Variants in SPTSSB observed in about 807,000 individuals in gnomAD.
SPTSSB encodes serine palmitoyltransferase small subunit B, also known as androgen down regulated in mouse prostate.
Under a neutral mutation model 7.7 loss-of-function variants are expected in SPTSSB, and 6 were observed. The ratio of observed to expected loss-of-function variants is 0.78; its 90% CI spans 0.43 to 1.54. The LOEUF is 1.54. Ranked by LOEUF, SPTSSB falls within the 40% of genes most tolerant of loss-of-function variation. The pLI is 0.01. For synonymous variants in SPTSSB, 28 were observed against 29.7 expected, an observed-to-expected ratio of 0.94 and a Z score of 0.19; for missense variants, 91 against 93.0, an observed-to-expected ratio of 0.98 and a Z score of 0.09.
rs916290247 is a variant in SPTSSB at position 161,345,024 on chromosome 3, T to C, written c.*1069A>G. On this transcript the variant is annotated 3_prime_UTR_variant, in exon 3 of 3. Coordinates refer to ENST00000620149, the MANE Select transcript of SPTSSB (RefSeq NM_001040100.2). ...TTTTTACCCTCTAGAATTACATACA[T>C]TAATATTTATTGGGAGGAAAGCAAA... The C allele has an allele frequency of 6.6e-6, 1 of 152,646 alleles. No homozygotes were observed. The highest frequency in any genetic ancestry group is 1.5e-5 in the Non-Finnish European group (1 of 68,048). The allele number at this position is 152,646 out of a possible 1,614,324, so 9.5% of individuals were successfully genotyped here.
rs1036773072 is a variant in SPTSSB, at chr3:161,345,977, A to G, written c.*116T>C. The G allele has an allele frequency of 3.3e-5, 21 of 636,472 alleles. No individual in the cohort carries two copies. Among genetic ancestry groups the G allele is most frequent in the Middle Eastern group, 3.6e-4 (1 of 2,814 alleles). 39.4% of individuals were successfully genotyped at this position (636,472 alleles called of 1,614,324 possible). ...AGAAAGGCAGAATATAAGAGTGCAT[A>G]GAGAAGAGAGTGCTTTTCAGGTCAG... On this transcript the variant is annotated 3_prime_UTR_variant, in exon 3 of 3. Coordinates refer to ENST00000620149, the MANE Select transcript of SPTSSB (RefSeq NM_001040100.2).
At chr3:161,363,906 A>G (rs1258125661) in intron 1 of SPTSSB, among the ~76,000 whole-genome samples, 2 of 152,090 alleles carry the variant, frequency 1.3e-5, no homozygotes, top group Non-Finnish European at 2.9e-5. Context: ...ACTTTACAAA[A>G]ACTTCTACCC....
chr3:161,368,677 C>T (rs900740284), intron 1 of SPTSSB, among the ~76,000 whole-genome samples: 7 of 152,150 alleles, frequency 4.6e-5, no homozygotes, highest in East Asian at 3.9e-4. Flanking sequence ...CCGCCCGCCT[C>T]GGCCTCCCAA....
intron 2 of SPTSSB, among the ~76,000 whole-genome samples, chr3:161,346,573 CAAT>C (rs1376169701): frequency 4.6e-5 from 7 of 151,950 alleles, no homozygotes; most frequent in Non-Finnish European, 1.0e-4. Flanking sequence ...AAATTGGCAG[CAAT>C]AATACTATTA....
At chr3:161,361,693 C>G (rs1051428475) in intron 1 of SPTSSB, among the ~76,000 whole-genome samples, 2 of 152,114 alleles carry the variant, frequency 1.3e-5, no homozygotes, top group African/African-American at 4.8e-5. Flanking sequence ...TAGTAACTTT[C>G]GTCACAATTA....
At chr3:161,353,426 A>AAAAT (rs759591508) in intron 2 of SPTSSB, among the ~76,000 whole-genome samples, 2 of 152,346 alleles carry the variant, frequency 1.3e-5, no homozygotes, top group Middle Eastern at 6.8e-3. Context: ...CTAGTACCTT[A>AAAAT]AAATAAATAA....
chr3:161,349,226 C>A (rs1427684355), intron 2 of SPTSSB, among the ~76,000 whole-genome samples: 3 of 151,986 alleles, frequency 2.0e-5, no homozygotes, highest in Non-Finnish European at 4.4e-5. Flanking sequence ...AACAAACATG[C>A]AGTGATCGAT....
At chr3:161,356,478 G>A (rs982339114) in intron 2 of SPTSSB, among the ~76,000 whole-genome samples, 4 of 152,154 alleles carry the variant, frequency 2.6e-5, no homozygotes, top group Non-Finnish European at 1.5e-5. Context: ...TGTTCTCAGA[G>A]TTCTGCCAAA....
At chr3:161,357,460 T>C (rs1714817620) in intron 2 of SPTSSB, among the ~76,000 whole-genome samples, 1 of 152,136 alleles carries the variant, frequency 6.6e-6, no homozygotes. Context: ...TGAGATAAAA[T>C]GATTTACTCC....
rs552952115 is a variant in SPTSSB, at chr3:161,346,448, A to G, written c.-32-93T>C. On this transcript the variant is annotated intron_variant, in intron 2 of 2. Transcript: ENST00000620149. The stretch of plus-strand genomic sequence containing the variant: ...CTCAGCATGTTAAAATCTTTCAAAG[A>G]TTTGTTAAAGATCATTGAATATATT... 4.0e-4 allele frequency: 251 copies of G among 620,880 alleles called. 2 individuals are homozygous for G. In the South Asian group the frequency reaches 5.4e-3, roughly 13 times the overall value. 38.5% of individuals were successfully genotyped at this position (620,880 alleles called of 1,614,324 possible).
chr3:161,353,279 A>G (rs550481652), intron 2 of SPTSSB, among the ~76,000 whole-genome samples: 1 of 152,326 alleles, frequency 6.6e-6, no homozygotes, highest in Admixed American at 6.5e-5. Flanking sequence ...GTAAAACTTT[A>G]AGCCACTTGC....
intron 2 of SPTSSB, among the ~76,000 whole-genome samples, chr3:161,356,987 G>GA (rs1013049572): frequency 2.8e-4 from 42 of 149,690 alleles, no homozygotes; most frequent in Middle Eastern, 3.4e-3. Context: ...GTCTCAAAAA[G>GA]AAAAAAAAAT....
intron 1 of SPTSSB, among the ~76,000 whole-genome samples, chr3:161,361,339 C>T (rs933347887): frequency 1.3e-5 from 2 of 152,052 alleles, no homozygotes; most frequent in Admixed American, 6.6e-5. Context: ...TAGACAACAC[C>T]TTCTAAGTGT....
intron 2 of SPTSSB, among the ~76,000 whole-genome samples, chr3:161,349,292 A>C (rs1279026853): frequency 6.6e-6 from 1 of 152,184 alleles, no homozygotes; most frequent in Non-Finnish European, 1.5e-5. Context: ...GCTAAGAAGA[A>C]GGCTAGAAAA....
chr3:161,363,515 T>G (rs961204040), intron 1 of SPTSSB, among the ~76,000 whole-genome samples: 1 of 152,016 alleles, frequency 6.6e-6, no homozygotes, highest in Non-Finnish European at 1.5e-5. Flanking sequence ...TTTTAACTAC[T>G]GTTGAAACCA....
intron 2 of SPTSSB, among the ~76,000 whole-genome samples, chr3:161,357,561 C>T (rs13319558): frequency 0.054 from 8,159 of 152,214 alleles, 582 homozygotes; most frequent in African/African-American, 0.15. Flanking sequence ...TGTAGTAAGT[C>T]GGATATTAGC....
Position 161,368,285 on chromosome 3 carries a change from C to T in SPTSSB, c.-126+3150G>A, listed in dbSNP as rs1287437659. Among the ~76,000 whole-genome samples the T allele has an allele frequency of 1.3e-5, 2 of 152,154 alleles. 1 individual carries two copies. The highest frequency in any genetic ancestry group is 1.3e-4 in the Admixed American group (2 of 15,278). On this transcript the variant is annotated intron_variant, in intron 1 of 2. Coordinates refer to ENST00000620149, the MANE Select transcript of SPTSSB (RefSeq NM_001040100.2). Reference sequence around the variant, plus strand: ...AGATAAAACTCACCATACAATTTACCTACTTAAAGTACACAATTCAGTGGT... The same window carrying T: ...AGATAAAACTCACCATACAATTTACTTACTTAAAGTACACAATTCAGTGGT...
At chr3:161,368,805 T>A (rs866467195) in intron 1 of SPTSSB, among the ~76,000 whole-genome samples, 27 of 152,368 alleles carry the variant, frequency 1.8e-4, no homozygotes, top group Middle Eastern at 3.4e-3. Flanking sequence ...GGATATGTTA[T>A]GTAAATAAAT....
At chr3:161,349,880 C>T (rs1396556454) in intron 2 of SPTSSB, among the ~76,000 whole-genome samples, 17 of 152,152 alleles carry the variant, frequency 1.1e-4, no homozygotes, top group Middle Eastern at 3.4e-3. Flanking sequence ...CTTTTATCAA[C>T]GGGTGGTGAT....
Sources: gnomAD v4.1 joint callset for allele counts (sites outside exome capture counted in the v4.1 genomes callset) on GRCh38, gnomAD v4.1.1 for gene constraint, MANE v1.5 for transcripts, NCBI Gene and HGNC (gene_info 2026-07-23, HGNC 2026-07-21) for gene names.